The following PLCZ1 variants were observed in gnomAD, a reference collection of about 807,000 sequenced individuals.
The protein encoded by PLCZ1 is phospholipase C zeta 1.
PLCZ1 carries 64 observed loss-of-function variants against 76.8 expected under a neutral mutation model. The observed-to-expected ratio is 0.83, with a 90% CI of 0.68 to 1.03. The LOEUF is 1.03. Among genes scored for constraint, PLCZ1 ranks in the 50% least tolerant of loss-of-function variants. The pLI is 0.00. For synonymous variants in PLCZ1, 248 were observed against 230.8 expected (o/e 1.07, Z -0.68); for missense variants, 751 against 713.7 (o/e 1.05, Z -0.60).
the PLCZ1 span, among the ~76,000 whole-genome samples, chr12:18,650,325 CTCTCTCTA>C: frequency 6.7e-5 from 5 of 74,984 alleles, no homozygotes; most frequent in Non-Finnish European, 1.0e-4. Flanking sequence ...CTCTCTCTCT[CTCTCTCTA>C]TATATATATA....
At chr12:18,690,136 T>C (rs1953841683) in intron 12 of PLCZ1, among the ~76,000 whole-genome samples, 1 of 152,210 alleles carries the variant, frequency 6.6e-6, no homozygotes, top group Non-Finnish European at 1.5e-5. Flanking sequence ...AATGTATTTG[T>C]TCAATGAACC....
intron 4 of PLCZ1, among the ~76,000 whole-genome samples, 160 bp downstream of exon 4, chr12:18,723,151 A>G (rs969284942): frequency 6.6e-6 from 1 of 152,052 alleles, no homozygotes; most frequent in African/African-American, 2.4e-5. Flanking sequence ...AAAGGTATCA[A>G]TTCTATAAAA....
chr12:18,683,285 C>T lies in PLCZ1; in HGVS notation c.1781G>A (p.Ser594Asn). Residue 594 changes from serine to asparagine, a missense_variant, in exon 15 of 15, where the codon AGC (serine) becomes AAC (asparagine). Coordinates refer to ENST00000266505, the MANE Select transcript of PLCZ1 (RefSeq NM_033123.4). ...AACAAACAGTGAAGCAGGCTCAAGGCTCTCACCCATTCTGGAAAACAGAGG... is the reference window on the plus strand; with the variant it reads ...AACAAACAGTGAAGCAGGCTCAAGGTTCTCACCCATTCTGGAAAACAGAGG... ...RIPLFSRMGE[S>N]LEPASLFVYV... 1 of 1,612,618 alleles carries T rather than the reference C, an allele frequency of 6.2e-7. No individual in the cohort carries two copies. The highest frequency in any genetic ancestry group is 8.5e-7 in the Non-Finnish European group (1 of 1,179,072).
At chr12:18,692,681 C>A in intron 12 of PLCZ1, 3 of 687,338 alleles carry the variant, frequency 4.4e-6, no homozygotes, top group Non-Finnish European at 7.4e-6. Context: ...ACATTGAAAT[C>A]AGTAAAGAAC....
chr12:18,668,002 C>G, the PLCZ1 span, among the ~76,000 whole-genome samples: 1 of 152,122 alleles, frequency 6.6e-6, no homozygotes. Context: ...AGATTTTTAC[C>G]TAAGGTCTAC....
chr12:18,654,917 A>G, the PLCZ1 span, among the ~76,000 whole-genome samples: 1 of 152,130 alleles, frequency 6.6e-6, no homozygotes, highest in Non-Finnish European at 1.5e-5. Flanking sequence ...GGGAAAGGAA[A>G]AAGAAAAAAG....
the PLCZ1 span, among the ~76,000 whole-genome samples, chr12:18,674,342 A>T: frequency 6.6e-6 from 1 of 152,122 alleles, no homozygotes; most frequent in African/African-American, 2.4e-5. Context: ...TCTGGTAACT[A>T]TCTAAAATTT....
At chr12:18,718,526 C>G (rs944481499) in intron 5 of PLCZ1, among the ~76,000 whole-genome samples, 2 of 152,130 alleles carry the variant, frequency 1.3e-5, no homozygotes, top group African/African-American at 4.8e-5. Flanking sequence ...TCTCTAGCCA[C>G]ATTTGCCATT....
chr12:18,736,191 A>AG, intron 3 of PLCZ1, 30 bp downstream of exon 3: 1 of 1,607,870 alleles, frequency 6.2e-7, no homozygotes, highest in Non-Finnish European at 8.5e-7. Flanking sequence ...CACCTAGGAT[A>AG]GGATAGGCAG....
At chr12:18,720,492 T>C (rs1310242466) in intron 4 of PLCZ1, among the ~76,000 whole-genome samples, 1 of 151,392 alleles carries the variant, frequency 6.6e-6, no homozygotes, top group African/African-American at 2.4e-5. Context: ...AGACTGGCTC[T>C]GGAAACAGCC....
intron 6 of PLCZ1, among the ~76,000 whole-genome samples, chr12:18,708,218 C>G (rs949528940): frequency 6.6e-6 from 1 of 152,160 alleles, no homozygotes; most frequent in African/African-American, 2.4e-5. Flanking sequence ...GGTTATCTAT[C>G]TCTGTACATT....
At chr12:18,687,977 A>C in intron 13 of PLCZ1, 112 bp downstream of exon 13, 1 of 1,410,862 alleles carries the variant, frequency 7.1e-7, no homozygotes, top group South Asian at 1.3e-5. Context: ...CATAATGGAA[A>C]ACCCTTGTCT....
chr12:18,709,802 A>G (rs942161480), intron 6 of PLCZ1, among the ~76,000 whole-genome samples: 5 of 152,092 alleles, frequency 3.3e-5, no homozygotes, highest in Non-Finnish European at 7.4e-5. Context: ...GGAGTATAGG[A>G]TATCTTTTCA....
intron 12 of PLCZ1, chr12:18,692,759 C>T (rs1286038132): frequency 1.6e-6 from 2 of 1,243,084 alleles, no homozygotes; most frequent in Non-Finnish European, 2.3e-6. Context: ...CAGGCCAAGG[C>T]AAGATGGGTC....
At chr12:18,683,346 A>G (rs1457759878) in intron 14 of PLCZ1, 22 bp from the exon 15 acceptor site, 1 of 1,606,814 alleles carries the variant, frequency 6.2e-7, no homozygotes, top group Admixed American at 1.7e-5. Flanking sequence ...ATTATATCTA[A>G]TTAGACCAAT....
At chr12:18,721,075 A>T (rs1168475941) in intron 4 of PLCZ1, among the ~76,000 whole-genome samples, 6 of 152,110 alleles carry the variant, frequency 3.9e-5, no homozygotes, top group Non-Finnish European at 8.8e-5. Context: ...TGAATCATGC[A>T]TTGTAACAGT....
chr12:18,651,521 G>A, the PLCZ1 span, among the ~76,000 whole-genome samples: 1 of 152,170 alleles, frequency 6.6e-6, no homozygotes, highest in African/African-American at 2.4e-5. Flanking sequence ...TTCACTGACA[G>A]TAGAGACTTA....
the PLCZ1 span, among the ~76,000 whole-genome samples, chr12:18,661,553 T>A: frequency 3.9e-5 from 6 of 152,068 alleles, no homozygotes; most frequent in South Asian, 1.2e-3. Flanking sequence ...AAAACAATGT[T>A]CAACATTATT....
intron 3 of PLCZ1, among the ~76,000 whole-genome samples, chr12:18,734,672 A>G (rs902868945): frequency 1.7e-4 from 26 of 152,154 alleles, no homozygotes; most frequent in African/African-American, 5.5e-4. Flanking sequence ...TGTTAACAAA[A>G]TCTTCAGGAG....
Sources: gnomAD v4.1 joint callset for allele counts (sites outside exome capture counted in the v4.1 genomes callset) on GRCh38, gnomAD v4.1.1 for gene constraint, MANE v1.5 for transcripts, NCBI Gene and HGNC (gene_info 2026-07-23, HGNC 2026-07-21) for gene names.